Variants in ACOXL observed in about 807,000 individuals in gnomAD.
ACOXL encodes the protein acyl-CoA oxidase like, also known as acyl-coenzyme A oxidase-like protein.
ACOXL carries 70 observed loss-of-function variants against 71.9 expected under a neutral mutation model. The observed-to-expected ratio is 0.97, with a 90% CI of 0.80 to 1.19. The LOEUF is 1.19. ACOXL is among the 50% of genes most tolerant of loss of function. The probability of loss-of-function intolerance (pLI) is 0.00; values close to 1 mark genes in which losing one functional copy is unlikely to be tolerated. For missense variants in ACOXL, 703 were observed against 736.3 expected, an observed-to-expected ratio of 0.95 and a Z score of 0.52; for synonymous variants, 253 against 281.6, an observed-to-expected ratio of 0.90 and a Z score of 1.02.
chr2:110,979,063 G>T (rs1210714394), intron 12 of ACOXL, among the ~76,000 whole-genome samples: 3 of 151,888 alleles, frequency 2.0e-5, no homozygotes, highest in Non-Finnish European at 4.4e-5. Flanking sequence ...GGAGGCCAGG[G>T]GAGGTGAGAA....
chr2:110,868,241 T>G (rs1256526011), intron 10 of ACOXL, among the ~76,000 whole-genome samples: 1 of 152,222 alleles, frequency 6.6e-6, no homozygotes, highest in African/African-American at 2.4e-5. Context: ...AGTTTCTAAA[T>G]GAAACTTACT....
intron 17 of ACOXL, among the ~76,000 whole-genome samples, chr2:111,111,823 C>T (rs2069986397): frequency 6.6e-6 from 1 of 152,136 alleles, no homozygotes; most frequent in African/African-American, 2.4e-5. Flanking sequence ...TCAACCTGCG[C>T]CAAGTTTACT....
At chr2:110,771,674 G>A (rs947768109) in intron 2 of ACOXL, among the ~76,000 whole-genome samples, 3 of 152,026 alleles carry the variant, frequency 2.0e-5, no homozygotes, top group Non-Finnish European at 4.4e-5. Flanking sequence ...GAGTGTGCAC[G>A]CACACACACA....
At chr2:110,824,959 T>C (rs894203108) in intron 9 of ACOXL, among the ~76,000 whole-genome samples, 3 of 152,230 alleles carry the variant, frequency 2.0e-5, no homozygotes, top group African/African-American at 7.2e-5. Flanking sequence ...CTGAAGAAAG[T>C]TGATGGTTTG....
At chr2:110,932,501 A>G (rs2060512336) in intron 11 of ACOXL, among the ~76,000 whole-genome samples, 3 of 152,228 alleles carry the variant, frequency 2.0e-5, no homozygotes, top group South Asian at 2.1e-4. Context: ...TATTTTATAC[A>G]TAATATGTAT....
At chr2:110,928,693 G>A (rs2060369677) in intron 11 of ACOXL, among the ~76,000 whole-genome samples, 1 of 152,166 alleles carries the variant, frequency 6.6e-6, no homozygotes, top group Non-Finnish European at 1.5e-5. Context: ...TTGTTTGGCT[G>A]TGTCCCCACT....
chr2:111,076,736 T>C (rs2067619246), intron 16 of ACOXL, among the ~76,000 whole-genome samples: 1 of 152,230 alleles, frequency 6.6e-6, no homozygotes, highest in African/African-American at 2.4e-5. Flanking sequence ...AAAAAATTAT[T>C]CTTTCATAGT....
At chr2:110,963,515 A>C in intron 12 of ACOXL, 2 of 1,347,986 alleles carry the variant, frequency 1.5e-6, no homozygotes, top group Non-Finnish European at 1.9e-6. Context: ...ATATTTTTTA[A>C]TTTTAAAGAA....
chr2:110,834,798 A>G (rs937851425), intron 9 of ACOXL, among the ~76,000 whole-genome samples: 1 of 152,212 alleles, frequency 6.6e-6, no homozygotes, highest in African/African-American at 2.4e-5. Context: ...CCTGAAAAAC[A>G]CCCAGCAGAA....
In ACOXL at chr2:110,801,289, C is replaced by T. The variant is rs1476610648; in HGVS notation, c.548-363C>T. On this transcript the variant is annotated intron_variant, in intron 7 of 17. Coordinates refer to ENST00000439055, the MANE Select transcript of ACOXL (RefSeq NM_001142807.4). ...GGGGAGAGCAATCCTGCTACCCTGC[C>T]TCTGTGTTCAGCTTCCCATTCTTGC... is the stretch of plus-strand genomic sequence containing the variant. 2.0e-5 allele frequency among the ~76,000 whole-genome samples: 3 copies of T among 152,198 alleles called. No homozygotes were observed. In the East Asian group the frequency reaches 5.8e-4, roughly 29 times the overall value.
chr2:110,922,488 T>C (rs955523754), intron 11 of ACOXL, among the ~76,000 whole-genome samples: 2 of 152,248 alleles, frequency 1.3e-5, no homozygotes, highest in African/African-American at 4.8e-5. Flanking sequence ...ATTTGCAAAT[T>C]TGTGACACAG....
intron 14 of ACOXL, among the ~76,000 whole-genome samples, chr2:110,997,361 T>G (rs1009028817): frequency 1.7e-4 from 26 of 152,058 alleles, no homozygotes; most frequent in African/African-American, 3.9e-4. Context: ...AAAAGACTTA[T>G]ACTTAGACAT....
chr2:110,788,416 A>G (rs1393135417), intron 3 of ACOXL, among the ~76,000 whole-genome samples: 2 of 152,232 alleles, frequency 1.3e-5, no homozygotes, highest in African/African-American at 2.4e-5. Context: ...CTACTTATAT[A>G]AAATATCTAG....
chr2:111,072,673 A>G (rs565393100), intron 16 of ACOXL, among the ~76,000 whole-genome samples: 21 of 152,366 alleles, frequency 1.4e-4, no homozygotes, highest in African/African-American at 4.6e-4. Flanking sequence ...GGGAACTGCC[A>G]TGTGCATTGC....
chr2:111,117,610 T>C lies in ACOXL; in HGVS notation c.1543-6T>C, dbSNP rs1037749028. ...CTGACCTGTCCCATTGTGTTGTGTT[T>C]TGCAGTTGCTGGATTTGTGCGACTC... On this transcript the variant is annotated splice_polypyrimidine_tract_variant and splice_region_variant and intron_variant, in intron 17 of 17. Coordinates refer to ENST00000439055, the MANE Select transcript of ACOXL (RefSeq NM_001142807.4). 3.9e-6 allele frequency: 6 copies of C among 1,551,638 alleles called. No homozygotes were observed. Among genetic ancestry groups the C allele is most frequent in the Non-Finnish European group, 5.2e-6 (6 of 1,147,006 alleles).
At chr2:110,740,862 G>A (rs1386928072) in intron 1 of ACOXL, among the ~76,000 whole-genome samples, 1 of 152,194 alleles carries the variant, frequency 6.6e-6, no homozygotes, top group Non-Finnish European at 1.5e-5. Context: ...GTGTTTGAAT[G>A]TTGGGACATG....
At chr2:110,963,575 G>C (rs754258889) in intron 12 of ACOXL, 2 of 1,029,252 alleles carry the variant, frequency 1.9e-6, no homozygotes, top group Admixed American at 5.2e-5. Flanking sequence ...ATGTGTGTGT[G>C]TGTGTGTGTG....
At chr2:110,739,670 T>C (rs1677274902) in intron 1 of ACOXL, among the ~76,000 whole-genome samples, 1 of 152,204 alleles carries the variant, frequency 6.6e-6, no homozygotes, top group Admixed American at 6.5e-5. Context: ...CCTCAGGCTT[T>C]GATGGACTTG....
intron 16 of ACOXL, among the ~76,000 whole-genome samples, chr2:111,089,964 A>G (rs2068433239): frequency 6.6e-6 from 1 of 152,166 alleles, no homozygotes; most frequent in African/African-American, 2.4e-5. Context: ...GTTGAAACCA[A>G]GTGTTAAGAG....
Sources: gnomAD v4.1 joint callset for allele counts (sites outside exome capture counted in the v4.1 genomes callset) on GRCh38, gnomAD v4.1.1 for gene constraint, MANE v1.5 for transcripts, NCBI Gene and HGNC (gene_info 2026-07-23, HGNC 2026-07-21) for gene names.